TMEM178B: variants seen among roughly 807,000 people sequenced by gnomAD.
The protein encoded by TMEM178B is transmembrane protein 178B.
In TMEM178B, 5 loss-of-function variants were observed where a neutral mutation model predicts 31.0. That is an observed-to-expected ratio of 0.16 (90% confidence interval 0.08 to 0.34). The LOEUF (loss-of-function observed/expected upper bound fraction) is 0.34. Ranked by LOEUF, TMEM178B falls within the 10% of genes least tolerant of loss-of-function variation. The pLI is 1.00. For synonymous variants in TMEM178B, 164 were observed against 164.0 expected (o/e 1.00, Z 0.00); for missense variants, 275 against 400.3 (o/e 0.69, Z 2.67).
intron 1 of TMEM178B, among the ~76,000 whole-genome samples, chr7:141,118,225 G>C (rs1461462441): frequency 6.6e-6 from 1 of 152,086 alleles, no homozygotes; most frequent in Non-Finnish European, 1.5e-5. Flanking sequence ...CCTGGATTTA[G>C]GTTGGCCTCC....
At chr7:141,418,171 AAG>A (rs1284122548) in intron 2 of TMEM178B, among the ~76,000 whole-genome samples, 1 of 152,196 alleles carries the variant, frequency 6.6e-6, no homozygotes, top group African/African-American at 2.4e-5. Flanking sequence ...CTTTATAAAA[AAG>A]AGAAGTCCTC....
At chr7:141,103,892 C>A (rs1278692782) in intron 1 of TMEM178B, among the ~76,000 whole-genome samples, 1 of 152,124 alleles carries the variant, frequency 6.6e-6, no homozygotes, top group Admixed American at 6.5e-5. Flanking sequence ...GCAAAGAAAA[C>A]AGGGTTGATT....
chr7:141,474,983 G>A lies in TMEM178B; in HGVS notation c.*4197G>A, dbSNP rs937333301. On this transcript the variant is annotated 3_prime_UTR_variant, in exon 4 of 4. Transcript: ENST00000565468. ...CTCTGGTCATCCTTTGGTGTGGTTT[G>A]TGGGGGATACTTGGTTGATTCTTGT... The A allele has an allele frequency of 6.6e-6, 1 of 152,272 alleles. No homozygotes were observed. Among genetic ancestry groups the A allele is most frequent in the African/African-American group, 2.4e-5 (1 of 41,456 alleles). The allele number at this position is 152,272 out of a possible 1,614,324, so 9.4% of individuals were successfully genotyped here.
intron 3 of TMEM178B, among the ~76,000 whole-genome samples, chr7:141,465,777 C>T (rs1465261391): frequency 6.6e-6 from 1 of 152,158 alleles, no homozygotes; most frequent in Non-Finnish European, 1.5e-5. Flanking sequence ...AAGCCCAGCA[C>T]TTTGGGAGGC....
chr7:141,291,061 A>G (rs1431134726), intron 2 of TMEM178B, among the ~76,000 whole-genome samples: 1 of 152,218 alleles, frequency 6.6e-6, no homozygotes, highest in African/African-American at 2.4e-5. Flanking sequence ...TCAGCAGGAC[A>G]AGGCAGGAAT....
At chr7:141,281,508 G>A (rs867779023) in intron 2 of TMEM178B, among the ~76,000 whole-genome samples, 2 of 152,206 alleles carry the variant, frequency 1.3e-5, no homozygotes, top group Non-Finnish European at 2.9e-5. Context: ...ACCAAGGACT[G>A]CAGGGCGTGA....
intron 1 of TMEM178B, among the ~76,000 whole-genome samples, chr7:141,200,186 T>G (rs971256421): frequency 3.3e-5 from 5 of 152,082 alleles, no homozygotes; most frequent in Non-Finnish European, 7.4e-5. Context: ...TGGCCCATTT[T>G]TATTTCTTAG....
At chr7:141,185,294 T>G (rs530611051) in intron 1 of TMEM178B, among the ~76,000 whole-genome samples, 1 of 152,286 alleles carries the variant, frequency 6.6e-6, no homozygotes, top group East Asian at 1.9e-4. Context: ...TTTCTTGCCT[T>G]GGTGTACTGG....
intron 3 of TMEM178B, among the ~76,000 whole-genome samples, chr7:141,470,189 A>T (rs1802214349): frequency 6.6e-6 from 1 of 152,210 alleles, no homozygotes; most frequent in Admixed American, 6.5e-5. Context: ...TGAATTTAAA[A>T]TGCTTTAGGA....
At chr7:141,180,463 C>CAAAAAAAAAAAAAA (rs57969132) in intron 1 of TMEM178B, among the ~76,000 whole-genome samples, 7 of 83,290 alleles carry the variant, frequency 8.4e-5, no homozygotes, top group Admixed American at 4.2e-4. Context: ...GAGCCCATCT[C>CAAAAAAAAAAAAAA]AAAAAAAAAA....
intron 1 of TMEM178B, among the ~76,000 whole-genome samples, chr7:141,201,180 C>T (rs1234671862): frequency 2.6e-5 from 4 of 152,218 alleles, no homozygotes; most frequent in Admixed American, 2.6e-4. Flanking sequence ...CGGGTGACAG[C>T]ACCGGCACAC....
At chr7:141,111,254 A>G (rs1222341775) in intron 1 of TMEM178B, among the ~76,000 whole-genome samples, 3 of 152,292 alleles carry the variant, frequency 2.0e-5, no homozygotes, top group Non-Finnish European at 2.9e-5. Flanking sequence ...TTTTAAAACC[A>G]TCAGATTTCA....
At chr7:141,398,944 G>GGGCAT (rs1800705183) in intron 2 of TMEM178B, among the ~76,000 whole-genome samples, 1 of 152,182 alleles carries the variant, frequency 6.6e-6, no homozygotes, top group African/African-American at 2.4e-5. Flanking sequence ...ATGGCTCAAA[G>GGGCAT]GGCATCTTCA....
intron 1 of TMEM178B, among the ~76,000 whole-genome samples, chr7:141,095,303 A>G (rs748467430): frequency 6.6e-6 from 1 of 151,970 alleles, no homozygotes; most frequent in Non-Finnish European, 1.5e-5. Context: ...CAATTTGGAA[A>G]CCATGTGAGA....
At chr7:141,140,732 C>T (rs1795755442) in intron 1 of TMEM178B, among the ~76,000 whole-genome samples, 1 of 152,116 alleles carries the variant, frequency 6.6e-6, no homozygotes, top group Non-Finnish European at 1.5e-5. Flanking sequence ...GAGTACTGGT[C>T]AGGGATATTG....
At chr7:141,162,052 T>C (rs767430854) in intron 1 of TMEM178B, among the ~76,000 whole-genome samples, 6 of 152,158 alleles carry the variant, frequency 3.9e-5, no homozygotes, top group Non-Finnish European at 7.4e-5. Flanking sequence ...GGAGCTAATT[T>C]TCCAGATGCC....
intron 2 of TMEM178B, among the ~76,000 whole-genome samples, chr7:141,365,932 G>A (rs927718723): frequency 6.6e-6 from 1 of 152,196 alleles, no homozygotes; most frequent in Non-Finnish European, 1.5e-5. Flanking sequence ...AATTCACCCT[G>A]CAACAGTGAT....
At chr7:141,495,373 GCACCAACAAT>G in the TMEM178B span, among the ~76,000 whole-genome samples, 1 of 152,146 alleles carries the variant, frequency 6.6e-6, no homozygotes, top group Non-Finnish European at 1.5e-5. Flanking sequence ...CCCTAAAATA[GCACCAACAAT>G]GCCTTGCTGG....
intron 2 of TMEM178B, among the ~76,000 whole-genome samples, chr7:141,300,868 CTTAATT>C (rs1281225278): frequency 2.0e-5 from 3 of 152,104 alleles, no homozygotes; most frequent in Admixed American, 6.5e-5. Context: ...GTTTACCCTT[CTTAATT>C]TTATTTTCTT....
Sources: gnomAD v4.1 joint callset for allele counts (sites outside exome capture counted in the v4.1 genomes callset) on GRCh38, gnomAD v4.1.1 for gene constraint, MANE v1.5 for transcripts, NCBI Gene and HGNC (gene_info 2026-07-23, HGNC 2026-07-21) for gene names.